Variants in RBFOX1 observed in about 807,000 individuals in gnomAD.
The protein encoded by RBFOX1 is RNA binding fox-1 homolog 1.
A neutral mutation model predicts 57.7 loss-of-function variants in RBFOX1; 8 were observed. The ratio of observed to expected loss-of-function variants is 0.14; its 90% confidence interval spans 0.08 to 0.25. RBFOX1 has a LOEUF of 0.25. RBFOX1 is among the 10% of genes least tolerant of loss of function. The pLI, the probability that RBFOX1 is intolerant of heterozygous loss-of-function variation, is 1.00. For synonymous variants in RBFOX1, 326 were observed against 222.4 expected, an observed-to-expected ratio of 1.47 and a Z score of -4.15; for missense variants, 611 against 548.5, an observed-to-expected ratio of 1.11 and a Z score of -1.14.
At chr16:7,299,378 C>T (rs550677781) in intron 4 of RBFOX1, among the ~76,000 whole-genome samples, 1 of 152,192 alleles carries the variant, frequency 6.6e-6, no homozygotes, top group Non-Finnish European at 1.5e-5. Context: ...TATTTCTGCT[C>T]TTGGAAGCGT....
chr16:7,051,981 T>G (rs1354605792), intron 3 of RBFOX1, 76 bp from the exon 4 acceptor site: 1 of 1,560,636 alleles, frequency 6.4e-7, no homozygotes, highest in Non-Finnish European at 8.7e-7. Flanking sequence ...TAATTAAAAG[T>G]AACTTTCTGT....
At chr16:6,020,823 C>T (rs2095059042) in intron 1 of RBFOX1, among the ~76,000 whole-genome samples, 1 of 152,220 alleles carries the variant, frequency 6.6e-6, no homozygotes, top group Admixed American at 6.5e-5. Context: ...CTCCTGGAGC[C>T]TCCCTGGCGC....
chr16:5,695,462 G>A (rs1239275035), intron 3 of RBFOX1, among the ~76,000 whole-genome samples: 1 of 152,188 alleles, frequency 6.6e-6, no homozygotes, highest in Non-Finnish European at 1.5e-5. Context: ...ATGAAGCTAG[G>A]CAATCAGGAT....
At chr16:7,040,050 C>G (rs1440825053) in intron 3 of RBFOX1, among the ~76,000 whole-genome samples, 3 of 151,564 alleles carry the variant, frequency 2.0e-5, no homozygotes, top group Non-Finnish European at 4.4e-5. Context: ...GAGACAAAGT[C>G]TTGCTCTGTC....
intron 1 of RBFOX1, among the ~76,000 whole-genome samples, chr16:6,214,915 GGGGAGA>G (rs1218534895): frequency 3.6e-4 from 39 of 108,310 alleles, no homozygotes; most frequent in South Asian, 1.5e-3. Flanking sequence ...AGAAGGAGAG[GGGGAGA>G]GGGAGAGGGA....
intron 3 of RBFOX1, among the ~76,000 whole-genome samples, chr16:6,735,134 G>T (rs1234449445): frequency 6.6e-6 from 1 of 152,150 alleles, no homozygotes; most frequent in Non-Finnish European, 1.5e-5. Context: ...GGGCAGCAGA[G>T]TGAGACCCTG....
Position 5,944,810 on chromosome 16 carries a change from T to G in RBFOX1, c.351+77475T>G, listed in dbSNP as rs1262966290. On this transcript the variant is annotated intron_variant, in intron 4 of 19. Coordinates refer to the RBFOX1 transcript ENST00000641259. ...TCTGCTAAAAAAAAAAAAAAAAAAA[T>G]TAGCTGGGTGTGGTGTCACACACCT... Among the ~76,000 whole-genome samples the G allele has an allele frequency of 2.2e-3, 79 of 36,020 alleles. 1 individual carries two copies. Among genetic ancestry groups the G allele is most frequent in the South Asian group, 2.4e-3 (3 of 1,238 alleles). 23.6% of individuals were successfully genotyped at this position (36,020 alleles called of 152,430 possible).
chr16:6,864,222 A>C (rs1417143003), intron 3 of RBFOX1, among the ~76,000 whole-genome samples: 1 of 152,118 alleles, frequency 6.6e-6, no homozygotes, highest in Non-Finnish European at 1.5e-5. Flanking sequence ...ATGTCACTGT[A>C]TTCCTAGGGT....
At chr16:6,323,311 C>G (rs1486709726) in intron 2 of RBFOX1, among the ~76,000 whole-genome samples, 1 of 152,154 alleles carries the variant, frequency 6.6e-6, no homozygotes, top group Non-Finnish European at 1.5e-5. Context: ...TCTTCATCAT[C>G]TTACCCAGTT....
intron 2 of RBFOX1, among the ~76,000 whole-genome samples, chr16:6,380,710 C>G (rs529679528): frequency 6.7e-6 from 1 of 150,214 alleles, no homozygotes; most frequent in African/African-American, 2.4e-5. Flanking sequence ...AAAACCATTT[C>G]TGTAAAACAG....
chr16:7,527,595 C>T (rs979021627), intron 5 of RBFOX1, among the ~76,000 whole-genome samples: 1 of 152,090 alleles, frequency 6.6e-6, no homozygotes, highest in African/African-American at 2.4e-5. Context: ...AGGTACAGAG[C>T]TTGACATTTT....
At chr16:6,556,005 T>A (rs2097093120) in intron 2 of RBFOX1, among the ~76,000 whole-genome samples, 1 of 152,152 alleles carries the variant, frequency 6.6e-6, no homozygotes, top group Admixed American at 6.5e-5. Flanking sequence ...CATTTTTTTG[T>A]CCTTGGTAAT....
intron 1 of RBFOX1, among the ~76,000 whole-genome samples, chr16:5,377,408 C>G (rs934441965): frequency 1.3e-5 from 2 of 151,128 alleles, no homozygotes; most frequent in African/African-American, 2.5e-5. Context: ...CCAGGCAAAT[C>G]ACAAAGGGAA....
chr16:6,221,952 T>C (rs1236194842), intron 1 of RBFOX1, among the ~76,000 whole-genome samples: 1 of 152,150 alleles, frequency 6.6e-6, no homozygotes, highest in South Asian at 2.1e-4. Context: ...TGAGAATTGA[T>C]TTATTTACTT....
At chr16:6,984,846 G>A (rs745469284) in intron 3 of RBFOX1, among the ~76,000 whole-genome samples, 7 of 151,854 alleles carry the variant, frequency 4.6e-5, no homozygotes, top group Non-Finnish European at 1.0e-4. Context: ...TCACCATATT[G>A]GTCAGGCTGG....
intron 13 of RBFOX1, among the ~76,000 whole-genome samples, chr16:7,665,203 C>T (rs1013918186): frequency 2.4e-4 from 36 of 152,222 alleles, no homozygotes; most frequent in African/African-American, 8.7e-4. Context: ...AGAACGAATG[C>T]AATTCCCCCA....
chr16:5,348,825 A>G (rs2065199424), intron 1 of RBFOX1, among the ~76,000 whole-genome samples: 3 of 152,026 alleles, frequency 2.0e-5, no homozygotes, highest in Admixed American at 1.3e-4. Flanking sequence ...TTGTCAGCAG[A>G]CTCTTAGGTT....
At chr16:5,999,889 AAAAAAAAAAAAAAAAAAAGAG>A (rs2060561786) in intron 4 of RBFOX1, among the ~76,000 whole-genome samples, 10 of 79,074 alleles carry the variant, frequency 1.3e-4, no homozygotes, top group Admixed American at 3.8e-4. Flanking sequence ...AAAAAAAAAA[AAAAAAAAAAAAAAAAAAAGAG>A]TGAAGAAGGG....
intron 3 of RBFOX1, among the ~76,000 whole-genome samples, chr16:6,975,833 A>G (rs1024398172): frequency 6.6e-6 from 1 of 152,170 alleles, no homozygotes; most frequent in African/African-American, 2.4e-5. Flanking sequence ...TAATAGTAAT[A>G]AAAATAAAAC....
Sources: gnomAD v4.1 joint callset for allele counts (sites outside exome capture counted in the v4.1 genomes callset) on GRCh38, gnomAD v4.1.1 for gene constraint, MANE v1.5 for transcripts, NCBI Gene and HGNC (gene_info 2026-07-23, HGNC 2026-07-21) for gene names.